Variants in DCK observed in about 807,000 individuals in gnomAD.
The protein encoded by DCK is deoxyadenosine kinase.
A neutral mutation model predicts 38.3 loss-of-function variants in DCK; 23 were observed. The observed-to-expected ratio is 0.60, with a 90% CI of 0.43 to 0.85. The LOEUF (loss-of-function observed/expected upper bound fraction) is 0.85. Ranked by LOEUF, DCK falls within the 40% of genes least tolerant of loss-of-function variation. The pLI is 0.00. For synonymous variants in DCK, 108 were observed against 100.6 expected, an observed-to-expected ratio of 1.07 and a Z score of -0.44; for missense variants, 259 against 304.4, an observed-to-expected ratio of 0.85 and a Z score of 1.11.
chr4:71,019,014 A>G (rs1740343008), intron 2 of DCK, among the ~76,000 whole-genome samples: 1 of 152,172 alleles, frequency 6.6e-6, no homozygotes, highest in African/African-American at 2.4e-5. Context: ...TTGCATACAA[A>G]AAACCCTAGC....
At chr4:71,001,607 A>G (rs930435009) in intron 2 of DCK, among the ~76,000 whole-genome samples, 2 of 152,112 alleles carry the variant, frequency 1.3e-5, no homozygotes, top group Non-Finnish European at 1.5e-5. Context: ...CTGTGAATCC[A>G]TCTGGTCCTG....
At chr4:71,004,743 G>T (rs1739897507) in intron 2 of DCK, among the ~76,000 whole-genome samples, 1 of 152,198 alleles carries the variant, frequency 6.6e-6, no homozygotes, top group Non-Finnish European at 1.5e-5. Context: ...CTTCCAGGTG[G>T]TTTTGTTTAC....
intron 6 of DCK, 91 bp downstream of exon 6, chr4:71,026,846 C>T (rs1740558887): frequency 1.6e-6 from 1 of 639,804 alleles, no homozygotes; most frequent in Admixed American, 3.2e-5. Context: ...GAAAAGCTTC[C>T]ATAAAGTTAC....
chr4:71,020,808 G>A (rs1158100938), intron 2 of DCK, among the ~76,000 whole-genome samples: 4 of 151,890 alleles, frequency 2.6e-5, no homozygotes, highest in African/African-American at 9.7e-5. Flanking sequence ...TGGCTCCTTT[G>A]TCCTTGGCAC....
intron 1 of DCK, among the ~76,000 whole-genome samples, chr4:70,995,563 A>C (rs538585757): frequency 6.6e-6 from 1 of 151,964 alleles, no homozygotes; most frequent in Non-Finnish European, 1.5e-5. Flanking sequence ...TGGGTGACAG[A>C]GCAAGACTCT....
chr4:71,003,597 C>T (rs540473654), intron 2 of DCK, among the ~76,000 whole-genome samples: 10 of 152,298 alleles, frequency 6.6e-5, no homozygotes, highest in African/African-American at 9.6e-5. Context: ...ACCAGTCAAA[C>T]GTAGGTTTGG....
chr4:71,028,631 C>T (rs879362963), intron 6 of DCK: 20 of 430,532 alleles, frequency 4.6e-5, no homozygotes, highest in East Asian at 2.3e-4. Context: ...AGTCTTGCTC[C>T]GTCGCCCAGG....
intron 2 of DCK, among the ~76,000 whole-genome samples, chr4:71,015,459 A>G (rs1249985006): frequency 2.6e-5 from 4 of 152,190 alleles, no homozygotes; most frequent in Non-Finnish European, 4.4e-5. Flanking sequence ...CTGATACCAA[A>G]GCCTGGCAGA....
At chr4:71,017,073 A>T (rs1740289299) in intron 2 of DCK, among the ~76,000 whole-genome samples, 1 of 152,240 alleles carries the variant, frequency 6.6e-6, no homozygotes. Flanking sequence ...CAATGAACTC[A>T]AACAAATTTA....
chr4:71,010,546 ATTTTAC>A (rs1461166248), intron 2 of DCK, among the ~76,000 whole-genome samples: 28 of 149,598 alleles, frequency 1.9e-4, no homozygotes, highest in Admixed American at 1.3e-3. Flanking sequence ...GTGAAGTACT[ATTTTAC>A]TTTTAATTAA....
chr4:71,013,828 A>C (rs1007866612), intron 2 of DCK, among the ~76,000 whole-genome samples: 5 of 152,228 alleles, frequency 3.3e-5, no homozygotes, highest in Admixed American at 6.5e-5. Flanking sequence ...AAGACCATCG[A>C]GGCTAGGAGG....
intron 1 of DCK, among the ~76,000 whole-genome samples, chr4:70,995,780 G>A (rs1422957073): frequency 6.6e-6 from 1 of 152,030 alleles, no homozygotes; most frequent in Non-Finnish European, 1.5e-5. Flanking sequence ...AACTACTTCT[G>A]CAACGGTCTT....
chr4:70,993,855 G>T lies in DCK; in HGVS notation c.20G>T (p.Arg7Ile), dbSNP rs1188197204. 8 of 1,613,804 alleles carry T rather than the reference G, an allele frequency of 5.0e-6. No individual in the cohort carries two copies. Among genetic ancestry groups the T allele is most frequent in the Admixed American group, 3.3e-5 (2 of 59,990 alleles). MATPPK[R>I]SCPSFSASSE... is the part of the protein sequence containing the mutation. ...TAAGGAATGGCCACCCCGCCCAAGA[G>T]AAGCTGCCCGTCTTTCTCAGCCAGC... The change falls in exon 1 of 7, where the codon AGA becomes ATA. Residue 7 changes from arginine to isoleucine, a missense_variant. Around this residue, in one of 3 missense-constraint regions of DCK, gnomAD observed 159 missense variants for 159.0 expected, o/e 1.00. Coordinates refer to ENST00000286648, the MANE Select transcript of DCK (RefSeq NM_000788.3).
intron 1 of DCK, among the ~76,000 whole-genome samples, chr4:70,994,438 A>G (rs189727068): frequency 1.1e-3 from 171 of 152,236 alleles, no homozygotes; most frequent in African/African-American, 4.0e-3. Context: ...TATCCCTGCA[A>G]GTGTTGCCTT....
chr4:70,996,839 C>T (rs1739669872), intron 1 of DCK, among the ~76,000 whole-genome samples: 1 of 152,188 alleles, frequency 6.6e-6, no homozygotes, highest in Non-Finnish European at 1.5e-5. Context: ...TGACTTTCAG[C>T]ATTATAATGC....
chr4:71,022,613 G>A (rs68172719), intron 3 of DCK, 53 bp downstream of exon 3: 50,211 of 1,065,190 alleles, frequency 0.047, 1,697 homozygotes, highest in Non-Finnish European at 0.054. Flanking sequence ...CTTAGAACTG[G>A]ACTTTTTTTT....
intron 2 of DCK, among the ~76,000 whole-genome samples, chr4:71,011,651 C>G (rs922494926): frequency 6.6e-6 from 1 of 152,196 alleles, no homozygotes; most frequent in Non-Finnish European, 1.5e-5. Flanking sequence ...AGTCACCATG[C>G]CTGGCCTGTT....
intron 2 of DCK, among the ~76,000 whole-genome samples, chr4:71,007,133 G>C (rs1295358093): frequency 6.6e-6 from 1 of 152,120 alleles, no homozygotes; most frequent in Non-Finnish European, 1.5e-5. Context: ...CAATCCTTAG[G>C]ATATCCAGGA....
intron 6 of DCK, among the ~76,000 whole-genome samples, chr4:71,027,305 T>C (rs1392309031): frequency 6.6e-6 from 1 of 152,154 alleles, no homozygotes; most frequent in Non-Finnish European, 1.5e-5. Flanking sequence ...TCATTTGGGA[T>C]CATGTCAAGG....
Sources: gnomAD v4.1 joint callset for allele counts (sites outside exome capture counted in the v4.1 genomes callset) on GRCh38, gnomAD v4.1.1 for gene constraint, gnomAD v4.1.1 regional missense constraint, MANE v1.5 for transcripts, NCBI Gene and HGNC (gene_info 2026-07-23, HGNC 2026-07-21) for gene names.